The following KMO variants were observed in gnomAD, a reference collection of about 807,000 sequenced individuals.
KMO encodes the protein kynurenine 3-monooxygenase, also known as kynurenine 3-hydroxylase.
A neutral mutation model predicts 57.8 loss-of-function variants in KMO; 24 were observed. That is an observed-to-expected ratio of 0.42 (90% CI 0.30 to 0.58). The LOEUF is 0.58. Among genes scored for constraint, KMO ranks in the 20% least tolerant of loss-of-function variants. KMO has a pLI of 0.22. For missense variants in KMO, 483 were observed against 588.2 expected, an observed-to-expected ratio of 0.82 and a Z score of 1.85; for synonymous variants, 210 against 193.6, an observed-to-expected ratio of 1.08 and a Z score of -0.70.
chr1:241,555,702 A>G (rs773370381), intron 5 of KMO, 42 bp downstream of exon 5: 1 of 1,139,460 alleles, frequency 8.8e-7, no homozygotes, highest in Non-Finnish European at 1.3e-6. Flanking sequence ...TTTTGAGTAA[A>G]GCACATGACA....
At position 241,549,683 on chromosome 1, in the gene KMO, G is replaced by A. The variant is rs769420579; in HGVS notation, c.131G>A (p.Arg44Gln). 5 of 1,610,270 alleles carry A rather than the reference G, an allele frequency of 3.1e-6. No homozygotes were observed. Among genetic ancestry groups the A allele is most frequent in the Non-Finnish European group, 4.2e-6 (5 of 1,176,934 alleles). The change falls in exon 3 of 15, where the codon CGA becomes CAA. Residue 44 changes from arginine (R) to glutamine (Q), a missense_variant. Arg to Gln is a conservative substitution (Grantham distance 43, BLOSUM62 1). Coordinates refer to ENST00000366559, the MANE Select transcript of KMO (RefSeq NM_003679.5). ...TCTGCTTCCAATGTCTCAGATACTC[G>A]AGTGGCTACCTTCACACGTGGAAGA... ...IDVYEAREDTRVATFTRGRSI... is the reference protein window; with the variant it reads ...IDVYEAREDTQVATFTRGRSI...
Position 241,549,682 on chromosome 1 carries a change from C to A in KMO, c.130C>A (p.Arg44=), listed in dbSNP as rs200403513. Residue 44 remains arginine, a synonymous_variant, in exon 3 of 15, where the codon CGA becomes AGA. Transcript: ENST00000366559. ...GTCTGCTTCCAATGTCTCAGATACT[C>A]GAGTGGCTACCTTCACACGTGGAAG... The part of the protein sequence containing the change: ...IDVYEAREDT[R]VATFTRGRSI... The A allele has an allele frequency of 6.2e-7, 1 of 1,609,918 alleles. No individual in the cohort carries two copies. The highest frequency in any genetic ancestry group is 1.7e-5 in the Admixed American group (1 of 59,922).
intron 1 of KMO, among the ~76,000 whole-genome samples, chr1:241,540,024 G>A (rs78310422): frequency 0.053 from 8,071 of 152,148 alleles, 354 homozygotes; most frequent in African/African-American, 0.12. Context: ...ATCTTTTGAC[G>A]TGGAAATGTA....
intron 3 of KMO, 50 bp from the exon 4 acceptor site, chr1:241,550,905 A>T (rs748764206): frequency 1.2e-6 from 1 of 818,834 alleles, no homozygotes; most frequent in Non-Finnish European, 1.9e-6. Flanking sequence ...TCTTTCTTGC[A>T]TAATGCCATG....
chr1:241,571,463 A>G (rs1057270705), intron 10 of KMO, among the ~76,000 whole-genome samples: 2 of 152,124 alleles, frequency 1.3e-5, no homozygotes, highest in African/African-American at 4.8e-5. Context: ...TATTCCTTCT[A>G]TACCCAGTTT....
rs182314956 is a variant in KMO at position 241,543,550 on chromosome 1, A to G, written c.55-5279A>G. On this transcript the variant is annotated intron_variant, in intron 1 of 14. Transcript: ENST00000366559. ...CTATTCCCCGCTTTTTTGTTTGTCTATTTTAGTTATGAAAGGCACTACACT... is the reference window on the plus strand; with the variant it reads ...CTATTCCCCGCTTTTTTGTTTGTCTGTTTTAGTTATGAAAGGCACTACACT... Among the ~76,000 whole-genome samples, 49 of 151,884 alleles carry G rather than the reference A, an allele frequency of 3.2e-4. No homozygotes were observed. In the East Asian group the frequency reaches 7.9e-3, roughly 25 times the overall value.
In KMO at chr1:241,565,031, C is replaced by T. The variant is rs1662023156; in HGVS notation, c.660C>T (p.Thr220=). 3 of 1,605,544 alleles carry T rather than the reference C, an allele frequency of 1.9e-6. No individual in the cohort carries two copies. The highest frequency in any genetic ancestry group is 2.6e-6 in the Non-Finnish European group (3 of 1,172,784). The change falls in exon 8 of 15, where the codon ACC becomes ACT. Residue 220 remains threonine (T), a synonymous_variant. Transcript: ENST00000366559. The part of the protein sequence containing the change: ...PNYLHIWPRN[T]FMMIALPNMN... ...ATCTGCATATTTGGCCTAGAAATAC[C>T]TTTATGATGATTGCACTTCCTAACA...
intron 1 of KMO, among the ~76,000 whole-genome samples, chr1:241,544,459 G>A (rs1661072080): frequency 6.6e-6 from 1 of 152,136 alleles, no homozygotes; most frequent in African/African-American, 2.4e-5. Context: ...TGGCTCAAGG[G>A]TAACTTCTAC....
intron 10 of KMO, among the ~76,000 whole-genome samples, chr1:241,578,020 G>A (rs1001248323): frequency 1.3e-5 from 2 of 152,166 alleles, no homozygotes; most frequent in Non-Finnish European, 2.9e-5. Flanking sequence ...CTGCAGGAAT[G>A]TTGATGTTCC....
rs1024828125 is a variant in KMO at position 241,574,129 on chromosome 1, T to C, written c.957+5482T>C. Among the ~76,000 whole-genome samples the C allele has an allele frequency of 3.3e-5, 5 of 152,106 alleles. No homozygotes were observed. The East Asian group carries it at 9.6e-4, about 29-fold the overall frequency. On this transcript the variant is annotated intron_variant, in intron 10 of 14. Transcript: ENST00000366559. ...TTGTACATTGATTTTATAACCTGAG[T>C]CTTTAATGAATTCATTTATAAAATC...
At chr1:241,569,191 T>C (rs189683136) in intron 10 of KMO, among the ~76,000 whole-genome samples, 449 of 152,194 alleles carry the variant, frequency 3.0e-3, no homozygotes, top group Non-Finnish European at 5.2e-3. Context: ...TCCTCTCTTT[T>C]AGTGATTTTA....
At chr1:241,571,119 G>A (rs1197641676) in intron 10 of KMO, among the ~76,000 whole-genome samples, 4 of 151,902 alleles carry the variant, frequency 2.6e-5, no homozygotes, top group Non-Finnish European at 2.9e-5. Context: ...ATTTTTGTAT[G>A]TTGATTTTGT....
Position 241,592,000 on chromosome 1 carries a change from C to A in KMO, c.1308C>A (p.Ser436Arg). 6.2e-7 allele frequency: 1 copy of A among 1,613,984 alleles called. No homozygotes were observed. The highest frequency in any genetic ancestry group is 8.5e-7 in the Non-Finnish European group (1 of 1,179,880). ...TCTTGGGATCACTGATAGCCATCAG[C>A]AGTACCTACCTACTTATACACTACA... ...LFFLGSLIAI[S>R]STYLLIHYMS... The change falls in exon 15 of 15, where the codon AGC (serine) becomes AGA (arginine). Residue 436 changes from serine to arginine, a missense_variant. By Grantham distance (110) the Ser-to-Arg change is moderately radical. Transcript: ENST00000366559.
In KMO at chr1:241,594,639, C is replaced by T. The variant is rs569038235; in HGVS notation, c.*2486C>T. On this transcript the variant is annotated 3_prime_UTR_variant, in exon 15 of 15. Coordinates refer to ENST00000366559, the MANE Select transcript of KMO (RefSeq NM_003679.5). Reference sequence around the variant, plus strand: ...AGCTGCTGGTAGGTCTTTAGCAGGCCTCTGGCACCTCAGCAGTCGGAGGCA... The same window carrying T: ...AGCTGCTGGTAGGTCTTTAGCAGGCTTCTGGCACCTCAGCAGTCGGAGGCA... 7 of 1,614,060 alleles carry T rather than the reference C, an allele frequency of 4.3e-6. No individual in the cohort carries two copies. In the East Asian group the frequency reaches 8.9e-5, roughly 21 times the overall value.
chr1:241,545,975 T>C (rs1661132562), intron 1 of KMO, among the ~76,000 whole-genome samples: 1 of 152,178 alleles, frequency 6.6e-6, no homozygotes, highest in Non-Finnish European at 1.5e-5. Context: ...CAGATTTGTA[T>C]ATTTTAAAAT....
chr1:241,547,670 A>G (rs1181411527), intron 1 of KMO, among the ~76,000 whole-genome samples: 1 of 151,850 alleles, frequency 6.6e-6, no homozygotes, highest in East Asian at 1.9e-4. Flanking sequence ...ACCAGCTCCC[A>G]CCCTCCCACT....
intron 1 of KMO, among the ~76,000 whole-genome samples, chr1:241,535,885 A>T (rs538109467): frequency 6.6e-6 from 1 of 152,302 alleles, no homozygotes; most frequent in Admixed American, 6.5e-5. Flanking sequence ...GTTTGTCATT[A>T]TCAAATGCTG....
chr1:241,566,314 T>G (rs10754731), intron 8 of KMO, among the ~76,000 whole-genome samples, 177 bp from the exon 9 acceptor site: 129,032 of 152,182 alleles, frequency 0.85, 55,477 homozygotes, highest in Non-Finnish European at 0.93. Flanking sequence ...CCTGGGACTT[T>G]GCAGAGCTTT....
At chr1:241,560,330 C>T (rs1052113134) in intron 5 of KMO, among the ~76,000 whole-genome samples, 1 of 152,128 alleles carries the variant, frequency 6.6e-6, no homozygotes, top group Admixed American at 6.5e-5. Context: ...AACAAAGCCT[C>T]GGATTAGAGG....
Sources: allele counts gnomAD v4.1 joint callset (sites outside exome capture counted in the v4.1 genomes callset), GRCh38; gene constraint gnomAD v4.1.1; transcripts MANE v1.5; gene names NCBI Gene and HGNC (gene_info 2026-07-23, HGNC 2026-07-21).